The following SPAG1 variants were observed in gnomAD, a reference collection of about 807,000 sequenced individuals.
SPAG1 encodes the protein sperm-associated antigen 1.
SPAG1 carries 69 observed loss-of-function variants against 100.5 expected under a neutral mutation model. The observed-to-expected ratio is 0.69, with a 90% CI of 0.57 to 0.84. SPAG1 has a LOEUF of 0.84. Among genes scored for constraint, SPAG1 ranks in the 40% least tolerant of loss-of-function variants. SPAG1 has a pLI of 0.00. For synonymous variants in SPAG1, 336 were observed against 411.6 expected (o/e 0.82, Z 2.22); for missense variants, 955 against 1,133.1 (o/e 0.84, Z 2.26).
intron 4 of SPAG1, among the ~76,000 whole-genome samples, chr8:100,180,166 A>G (rs1816305824): frequency 6.6e-6 from 1 of 152,104 alleles, no homozygotes; most frequent in African/African-American, 2.4e-5. Context: ...CATCTCTACA[A>G]AACATTTTTT....
intron 10 of SPAG1, among the ~76,000 whole-genome samples, chr8:100,211,069 G>A (rs887635897): frequency 6.6e-6 from 1 of 151,812 alleles, no homozygotes; most frequent in Non-Finnish European, 1.5e-5. Context: ...CTTGTGATCT[G>A]CCTGCCTCAG....
At chr8:100,191,535 TG>T in intron 9 of SPAG1, 39 bp downstream of exon 9, 1 of 1,337,540 alleles carries the variant, frequency 7.5e-7, no homozygotes. Context: ...ATTCTGTAGT[TG>T]GCTGTTTCTG....
chr8:100,169,524 A>G (rs1425236681), intron 3 of SPAG1, among the ~76,000 whole-genome samples: 1 of 152,174 alleles, frequency 6.6e-6, no homozygotes, highest in African/African-American at 2.4e-5. Flanking sequence ...GGATCACTTG[A>G]GGTCGGGAGT....
intron 3 of SPAG1, among the ~76,000 whole-genome samples, chr8:100,173,749 T>C (rs1815983379): frequency 6.6e-6 from 1 of 152,208 alleles, no homozygotes; most frequent in Non-Finnish European, 1.5e-5. Flanking sequence ...TAACAATAGA[T>C]GATTTTTAAA....
chr8:100,202,709 CAAAAAAAAAAAAAAAA>C (rs750153561), intron 10 of SPAG1, among the ~76,000 whole-genome samples: 1 of 27,452 alleles, frequency 3.6e-5, no homozygotes, highest in Admixed American at 4.8e-4. Context: ...GACTCCGTCT[CAAAAAAAAAAAAAAAA>C]AAAAAAAAAA....
At position 100,184,743 on chromosome 8, in the gene SPAG1, T is replaced by C. The variant is rs368868678; in HGVS notation, c.701+10T>C. 6 of 1,503,990 alleles carry C rather than the reference T, an allele frequency of 4.0e-6. No homozygotes were observed. The highest frequency in any genetic ancestry group is 2.4e-5 in the East Asian group (1 of 42,046). 93.2% of individuals were successfully genotyped at this position (1,503,990 alleles called of 1,614,324 possible). ...TGATGTATTATACCAGGTGAGCAGATGTTTGTTGGGGTTTAAACTTGCCTT... is the reference window on the plus strand; with the variant it reads ...TGATGTATTATACCAGGTGAGCAGACGTTTGTTGGGGTTTAAACTTGCCTT... On this transcript the variant is annotated intron_variant, in intron 7 of 18. Coordinates refer to ENST00000388798, the MANE Select transcript of SPAG1 (RefSeq NM_003114.5).
At chr8:100,178,841 A>C (rs1816241315) in intron 4 of SPAG1, among the ~76,000 whole-genome samples, 1 of 152,164 alleles carries the variant, frequency 6.6e-6, no homozygotes. Context: ...TCACGCCTGT[A>C]ATCCCAGCAC....
intron 10 of SPAG1, among the ~76,000 whole-genome samples, chr8:100,197,670 A>G (rs1202253372): frequency 6.6e-6 from 1 of 152,212 alleles, no homozygotes; most frequent in Admixed American, 6.5e-5. Flanking sequence ...ATTATGGGGT[A>G]TGTTCCAGGA....
chr8:100,220,163 G>A (rs1790697882), intron 12 of SPAG1, 116 bp from the exon 13 acceptor site: 10 of 797,958 alleles, frequency 1.3e-5, no homozygotes, highest in African/African-American at 1.8e-5. Context: ...TTCCCAAGAC[G>A]AAGTCTCGGA....
chr8:100,175,906 AG>A (rs1816093274), intron 3 of SPAG1, among the ~76,000 whole-genome samples: 1 of 152,196 alleles, frequency 6.6e-6, no homozygotes, highest in Admixed American at 6.5e-5. Flanking sequence ...TCAAGGCTTG[AG>A]GGTTAACAGC....
intron 16 of SPAG1, among the ~76,000 whole-genome samples, chr8:100,237,054 A>G (rs193233021): frequency 6.6e-6 from 1 of 151,846 alleles, no homozygotes; most frequent in Non-Finnish European, 1.5e-5. Context: ...TCAAAGCTAC[A>G]TTTTCTGGTT....
At chr8:100,234,333 C>T (rs2132430442) in intron 16 of SPAG1, among the ~76,000 whole-genome samples, 1 of 150,628 alleles carries the variant, frequency 6.6e-6, no homozygotes, top group South Asian at 2.1e-4. Flanking sequence ...AGATAAAGAA[C>T]ATTTTCTTCT....
intron 3 of SPAG1, among the ~76,000 whole-genome samples, chr8:100,176,645 G>A (rs1049843524): frequency 1.3e-5 from 2 of 152,158 alleles, no homozygotes; most frequent in East Asian, 1.9e-4. Context: ...GATTACAGGC[G>A]TGAGCCACCA....
rs370898433 is a variant in SPAG1, at chr8:100,195,376, C to T, written c.1096+1108C>T. 1.5e-4 allele frequency among the ~76,000 whole-genome samples: 23 copies of T among 151,886 alleles called. No homozygotes were observed. In the South Asian group the frequency reaches 2.3e-3, roughly 15 times the overall value. ...TTCATTCAATTTTAAAAATAAAGAA[C>T]GAGTTTTAATTTTTTTAAGTGACAA... On this transcript the variant is annotated intron_variant, in intron 10 of 18. Coordinates refer to ENST00000388798, the MANE Select transcript of SPAG1 (RefSeq NM_003114.5).
Position 100,213,270 on chromosome 8 carries a change from C to CGGCGGCG in SPAG1, c.1286_1292dup (p.Ala432ArgfsTer52). 2.5e-6 allele frequency: 3 copies of CGGCGGCG among 1,210,956 alleles called. No individual in the cohort carries two copies. Among genetic ancestry groups the CGGCGGCG allele is most frequent in the Non-Finnish European group, 2.0e-6 (2 of 977,362 alleles). 75.0% of individuals were successfully genotyped at this position (1,210,956 alleles called of 1,614,324 possible). On this transcript the variant is annotated frameshift_variant, in exon 11 of 19. Coordinates refer to ENST00000388798, the MANE Select transcript of SPAG1 (RefSeq NM_003114.5). LOFTEE classifies it high-confidence loss of function. ...AGCCCACGGCGGGCCTCTGCGGCGGCGGCGGCGGGCGGCGGCGCCACCGGG... is the reference window on the plus strand; with the variant it reads ...AGCCCACGGCGGGCCTCTGCGGCGGCGGCGGCGGGCGGCGGGCGGCGGCGCCACCGGG...
chr8:100,176,674 T>C (rs1178438022), intron 3 of SPAG1, among the ~76,000 whole-genome samples: 1 of 152,222 alleles, frequency 6.6e-6, no homozygotes, highest in East Asian at 1.9e-4. Flanking sequence ...CAGGAATGTC[T>C]TTATTACATC....
Position 100,165,815 on chromosome 8 carries a change from T to C in SPAG1, c.142T>C (p.Ser48Pro), listed in dbSNP as rs1405787136. 6.2e-7 allele frequency: 1 copy of C among 1,607,510 alleles called. No individual in the cohort carries two copies. Among genetic ancestry groups the C allele is most frequent in the Non-Finnish European group, 8.5e-7 (1 of 1,177,858 alleles). Reference sequence around the variant, plus strand: ...AAAACTTATTTATTTCTTTTTAAGATCTGGTGAGGAAGGATATTATCCTGA... The same window carrying C: ...AAAACTTATTTATTTCTTTTTAAGACCTGGTGAGGAAGGATATTATCCTGA... ...HLEKILCVLR[S>P]GEEGYYPELT... Residue 48 changes from serine (S) to proline (P), a missense_variant and splice_region_variant, in exon 3 of 19, where the codon TCT (serine) becomes CCT (proline). By Grantham distance (74) the Ser-to-Pro change is moderately conservative. Coordinates refer to ENST00000388798, the MANE Select transcript of SPAG1 (RefSeq NM_003114.5).
At chr8:100,234,453 C>T (rs1159085491) in intron 16 of SPAG1, among the ~76,000 whole-genome samples, 2 of 152,170 alleles carry the variant, frequency 1.3e-5, no homozygotes, top group African/African-American at 4.8e-5. Context: ...GGCAGCCATT[C>T]ATCTGATTTC....
chr8:100,198,762 C>A (rs1228864026), intron 10 of SPAG1, among the ~76,000 whole-genome samples: 37 of 152,166 alleles, frequency 2.4e-4, no homozygotes, highest in Admixed American at 2.4e-3. Flanking sequence ...AAAAGAAATT[C>A]TATACCCATT....
Sources: allele counts gnomAD v4.1 joint callset (sites outside exome capture counted in the v4.1 genomes callset), GRCh38; gene constraint gnomAD v4.1.1; transcripts MANE v1.5; gene names NCBI Gene and HGNC (gene_info 2026-07-23, HGNC 2026-07-21).